The following VSIG1 variants were observed in gnomAD, a reference collection of about 807,000 sequenced individuals.
VSIG1 encodes the protein V-set and immunoglobulin domain-containing protein 1.
In VSIG1, 11 loss-of-function variants were observed where a neutral mutation model predicts 20.1. The observed-to-expected ratio is 0.55, with a 90% CI of 0.34 to 0.91. VSIG1 has a LOEUF of 0.91. Among genes scored for constraint, VSIG1 ranks in the 40% least tolerant of loss-of-function variants. The probability of loss-of-function intolerance (pLI) is 0.02; values close to 1 mark genes in which losing one functional copy is unlikely to be tolerated. For synonymous variants in VSIG1, 126 were observed against 116.7 expected, an observed-to-expected ratio of 1.08 and a Z score of -0.52; for missense variants, 283 against 298.8, an observed-to-expected ratio of 0.95 and a Z score of 0.39.
intron 1 of VSIG1, among the ~76,000 whole-genome samples, chrX:108,052,073 G>A (rs1398474439): frequency 9.0e-6 from 1 of 111,028 alleles, no homozygotes; most frequent in East Asian, 2.8e-4. Context: ...TTTGCAGCAT[G>A]CTCACCATAG....
At chrX:108,030,570 G>A in the VSIG1 span, among the ~76,000 whole-genome samples, 15 of 112,195 alleles carry the variant, frequency 1.3e-4, no homozygotes, top group Admixed American at 3.8e-4. Flanking sequence ...GAGGTTACAG[G>A]CTTTATTCAG....
chrX:108,047,151 G>T, intron 1 of VSIG1, among the ~76,000 whole-genome samples: 1 of 111,234 alleles, frequency 9.0e-6, no homozygotes. Flanking sequence ...GTCACTTTTT[G>T]GTGTTAAGCG....
the VSIG1 span, among the ~76,000 whole-genome samples, chrX:108,033,595 G>A: frequency 8.9e-6 from 1 of 111,895 alleles, no homozygotes; most frequent in African/African-American, 3.3e-5. Flanking sequence ...CCCCACAAAG[G>A]TGAGAGACCA....
chrX:108,064,927 A>G (rs2031098353), intron 2 of VSIG1: 1 of 168,761 alleles, frequency 5.9e-6, no homozygotes, highest in African/African-American at 3.1e-5. Flanking sequence ...CTTCTGTCCC[A>G]CTTGAATACC....
the VSIG1 span, among the ~76,000 whole-genome samples, chrX:108,033,752 C>T: frequency 3.3e-4 from 36 of 110,169 alleles, no homozygotes; most frequent in Non-Finnish European, 6.6e-4. Context: ...CTGGGGGAGG[C>T]TGATGTGGGG....
At chrX:108,058,416 C>T (rs996077104) in intron 2 of VSIG1, among the ~76,000 whole-genome samples, 13 of 111,846 alleles carry the variant, frequency 1.2e-4, no homozygotes, top group African/African-American at 4.2e-4. Context: ...AACCCATTAT[C>T]TCGGTCTGTG....
At chrX:108,068,188 G>C (rs181109536) in intron 3 of VSIG1, among the ~76,000 whole-genome samples, 246 of 112,023 alleles carry the variant, frequency 2.2e-3, no homozygotes, top group African/African-American at 7.7e-3. Context: ...GTTTGCCACT[G>C]CATCTACCCA....
At chrX:108,055,693 G>A (rs1335585971) in intron 1 of VSIG1, among the ~76,000 whole-genome samples, 2 of 90,285 alleles carry the variant, frequency 2.2e-5, no homozygotes, top group African/African-American at 7.6e-5. Flanking sequence ...CATATCAACA[G>A]GCTAAAGAAA....
the VSIG1 span, among the ~76,000 whole-genome samples, chrX:108,029,604 C>T: frequency 4.5e-5 from 5 of 111,818 alleles, no homozygotes; most frequent in African/African-American, 1.6e-4. Context: ...CCTGAGCATT[C>T]CTAAAAATGC....
intron 1 of VSIG1, among the ~76,000 whole-genome samples, chrX:108,049,597 T>A (rs1470232859): frequency 8.9e-6 from 1 of 112,092 alleles, no homozygotes; most frequent in East Asian, 2.8e-4. Flanking sequence ...CCTTATCTGT[T>A]CATAAATTCT....
chrX:108,046,139 T>C (rs1197207746), intron 1 of VSIG1, among the ~76,000 whole-genome samples: 3 of 111,965 alleles, frequency 2.7e-5, no homozygotes, highest in Non-Finnish European at 3.8e-5. Context: ...TCATACTTCC[T>C]GGGTTTTCTA....
chrX:108,028,223 G>A, the VSIG1 span, among the ~76,000 whole-genome samples: 1 of 111,164 alleles, frequency 9.0e-6, no homozygotes, highest in Non-Finnish European at 1.9e-5. Flanking sequence ...TTGAATGACC[G>A]TACTCCTATT....
intron 1 of VSIG1, among the ~76,000 whole-genome samples, chrX:108,050,654 G>T (rs2030767453): frequency 9.0e-6 from 1 of 111,493 alleles, no homozygotes; most frequent in Admixed American, 9.5e-5. Context: ...CCTTCGGTGG[G>T]CCTCCAAATC....
chrX:108,063,508 T>C (rs1013503917), intron 2 of VSIG1, among the ~76,000 whole-genome samples: 15 of 111,479 alleles, frequency 1.3e-4, no homozygotes, highest in Non-Finnish European at 2.4e-4. Context: ...GTATTTTGTT[T>C]GTTTGTTTCA....
chrX:108,047,855 T>TATATATATACACATATATATATAC (rs1569287117), intron 1 of VSIG1, among the ~76,000 whole-genome samples: 1 of 39,561 alleles, frequency 2.5e-5, no homozygotes, highest in Non-Finnish European at 4.4e-5. Context: ...CATATATATA[T>TATATATATACACATATATATATAC]ACACATATAT....
rs1569287343 is a variant in VSIG1, at chrX:108,047,939, T to TATATATATACAC, written c.49+2769_49+2770insCACATATATATA. On this transcript the variant is annotated intron_variant, in intron 1 of 6. Coordinates refer to ENST00000217957, the MANE Select transcript of VSIG1 (RefSeq NM_182607.5). ...ATATACACATATATATATATACACATATATATATATATATACACACACATA... is the reference window on the plus strand; with the variant it reads ...ATATACACATATATATATATACACATATATATATACACATATATATATATATACACACACATA... Among the ~76,000 whole-genome samples the TATATATATACAC allele has an allele frequency of 7.7e-3, 131 of 17,024 alleles. 13 individuals carry two copies. The highest frequency in any genetic ancestry group is 9.8e-3 in the Non-Finnish European group (107 of 10,867). The allele number at this position is 17,024 out of a possible 115,157, so 14.8% of individuals were successfully genotyped here. A position where few individuals can be genotyped will look rare whatever the true frequency, so the allele number is the denominator to read the frequency against.
chrX:108,040,939 G>A (rs770461828), upstream of VSIG1, among the ~76,000 whole-genome samples: 1 of 109,893 alleles, frequency 9.1e-6, no homozygotes, highest in East Asian at 2.8e-4. Context: ...CCTGTTCCAT[G>A]TGAGCCTGGG....
the VSIG1 span, among the ~76,000 whole-genome samples, chrX:108,027,387 G>A: frequency 8.9e-6 from 1 of 111,950 alleles, no homozygotes; most frequent in Non-Finnish European, 1.9e-5. Flanking sequence ...AAAATGTTAT[G>A]CTAAGTTAAA....
In VSIG1 at chrX:108,078,432, A is replaced by G. The variant is rs2031393227; in HGVS notation, c.*1051A>G. 8.9e-6 allele frequency: 1 copy of G among 111,831 alleles called. No individual in the cohort carries two copies. Among genetic ancestry groups the G allele is most frequent in the South Asian group, 3.8e-4 (1 of 2,629 alleles). The allele number at this position is 111,831 out of a possible 1,213,427, so 9.2% of individuals were successfully genotyped here. A position where few individuals can be genotyped will look rare whatever the true frequency, so the allele number is the denominator to read the frequency against. ...TGGCGAAACCCCTTCTCTACTAAAA[A>G]TACAAAAATTAGCTGGGCGTGGTAG... On this transcript the variant is annotated 3_prime_UTR_variant, in exon 7 of 7. Transcript: ENST00000217957.
Sources: allele counts gnomAD v4.1 joint callset (sites outside exome capture counted in the v4.1 genomes callset), GRCh38; gene constraint gnomAD v4.1.1; transcripts MANE v1.5; gene names NCBI Gene and HGNC (gene_info 2026-07-23, HGNC 2026-07-21).